Variants in ZDHHC11 observed in about 807,000 individuals in gnomAD.
ZDHHC11 encodes palmitoyltransferase ZDHHC11.
ZDHHC11 carries 44 observed loss-of-function variants against 51.3 expected under a neutral mutation model. That is an observed-to-expected ratio of 0.86 (90% CI 0.67 to 1.10). The LOEUF (loss-of-function observed/expected upper bound fraction) is 1.10, where lower values mean the gene tolerates loss of function less well. ZDHHC11 is among the 50% of genes least tolerant of loss of function. ZDHHC11 has a pLI of 0.00. For synonymous variants in ZDHHC11, 163 were observed against 222.0 expected (o/e 0.73, Z 2.36); for missense variants, 400 against 537.7 (o/e 0.74, Z 2.53).
Position 841,006 on chromosome 5 carries a change from C to A in ZDHHC11, c.629-356G>T, listed in dbSNP as rs1744783313. 7 of 1,251,826 alleles carry A rather than the reference C, an allele frequency of 5.6e-6. No individual in the cohort carries two copies. The South Asian group carries it at 1.1e-4, about 19-fold the overall frequency. The allele number at this position is 1,251,826 out of a possible 1,614,324, so 77.5% of individuals were successfully genotyped here. A position where few individuals can be genotyped will look rare whatever the true frequency, so the allele number is the denominator to read the frequency against. On this transcript the variant is annotated intron_variant, in intron 4 of 12. Transcript: ENST00000283441. Reference sequence around the variant, plus strand: ...CACCCCTTCCTAAGTGCCGGGGTCACAGCGCCCACCCCCCTTCCTCACTAA... The same window carrying A: ...CACCCCTTCCTAAGTGCCGGGGTCAAAGCGCCCACCCCCCTTCCTCACTAA...
intron 12 of ZDHHC11, among the ~76,000 whole-genome samples, chr5:798,417 GCA>G (rs1270098931): frequency 7.3e-5 from 11 of 151,546 alleles, no homozygotes; most frequent in South Asian, 2.1e-4. Flanking sequence ...GCGCACGCGT[GCA>G]CACACACACC....
chr5:808,212 C>T (rs1313776043), intron 11 of ZDHHC11, among the ~76,000 whole-genome samples: 1 of 151,028 alleles, frequency 6.6e-6, no homozygotes, highest in African/African-American at 2.4e-5. Context: ...GCGCAGCCTC[C>T]CCCTCGCTGT....
Position 835,920 on chromosome 5 carries a change from A to G in ZDHHC11, c.900+1445T>C, listed in dbSNP as rs1743776454. Among the ~76,000 whole-genome samples the G allele has an allele frequency of 2.0e-5, 3 of 151,900 alleles. No homozygotes were observed. In the South Asian group the frequency reaches 6.2e-4, roughly 32 times the overall value. Reference sequence around the variant, plus strand: ...TAGAGATGTGCGAGCGTGTATTTTAATATGTGCCCCACATCCTTGTTAAGT... The same window carrying G: ...TAGAGATGTGCGAGCGTGTATTTTAGTATGTGCCCCACATCCTTGTTAAGT... On this transcript the variant is annotated intron_variant, in intron 6 of 12. Transcript: ENST00000283441.
chr5:850,582 G>T lies in ZDHHC11; in HGVS notation c.21C>A (p.Ser7Arg). ...TGGCTTCTGGGGTGACGGAACACTG[G>T]CTCCCGGAGCGGGTGTCCATCTGCA... is the stretch of plus-strand genomic sequence containing the variant. The part of the protein sequence containing the change: MDTRSG[S>R]QCSVTPEAIL... The change falls in exon 1 of 13, where the codon AGC becomes AGA. Residue 7 changes from serine (S) to arginine (R), a missense_variant. By Grantham distance (110) the Ser-to-Arg change is moderately radical. Transcript: ENST00000283441. 1.2e-6 allele frequency: 2 copies of T among 1,613,402 alleles called. No individual in the cohort carries two copies. The highest frequency in any genetic ancestry group is 1.7e-6 in the Non-Finnish European group (2 of 1,180,010).
At chr5:852,270 G>C (rs1049325957), upstream of ZDHHC11, among the ~76,000 whole-genome samples, 3 of 152,094 alleles carry the variant, frequency 2.0e-5, no homozygotes, top group Non-Finnish European at 4.4e-5. Context: ...AGGAGAAGAG[G>C]GGAATCGCTC....
chr5:852,594 G>A (rs546367945), upstream of ZDHHC11, among the ~76,000 whole-genome samples: 3 of 112,552 alleles, frequency 2.7e-5, no homozygotes, highest in South Asian at 3.3e-4. Context: ...GGGGACAGAC[G>A]CCACGGAGGA....
In ZDHHC11 at chr5:827,488, C is replaced by T. The variant is rs574762407; in HGVS notation, c.936-2237G>A. 3.6e-4 allele frequency among the ~76,000 whole-genome samples: 55 copies of T among 151,090 alleles called. 1 individual carries two copies. Among genetic ancestry groups the T allele is most frequent in the African/African-American group, 1.2e-3 (50 of 41,024 alleles). ...AAGTATCTGCTGTCTTCAAGAGACA[C>T]ACCTAATGTATAAGGACTGAAATAA... On this transcript the variant is annotated intron_variant, in intron 7 of 12. Coordinates refer to ENST00000283441, the MANE Select transcript of ZDHHC11 (RefSeq NM_024786.3).
intron 7 of ZDHHC11, among the ~76,000 whole-genome samples, chr5:833,315 C>T (rs1255043171): frequency 6.6e-6 from 1 of 151,096 alleles, no homozygotes; most frequent in Non-Finnish European, 1.5e-5. Context: ...GAAGCCAGCC[C>T]TGGCCCTGTT....
intron 3 of ZDHHC11, among the ~76,000 whole-genome samples, chr5:846,837 C>T (rs1405742414): frequency 3.4e-5 from 5 of 145,330 alleles, no homozygotes; most frequent in Admixed American, 1.3e-4. Flanking sequence ...GAGCCTCCAC[C>T]GTGCTCAGGG....
chr5:841,688 G>A (rs1744997787), intron 4 of ZDHHC11: 1 of 990,942 alleles, frequency 1.0e-6, no homozygotes, highest in Non-Finnish European at 1.2e-6. Context: ...CTCGCCTGGG[G>A]TCATTTCTAA....
chr5:847,220 C>T (rs1222415800), intron 3 of ZDHHC11, among the ~76,000 whole-genome samples: 1 of 151,744 alleles, frequency 6.6e-6, no homozygotes, highest in Non-Finnish European at 1.5e-5. Flanking sequence ...GGCAGCCCAG[C>T]CCAGGACAGC....
chr5:851,994 T>C (rs1747294773), upstream of ZDHHC11, among the ~76,000 whole-genome samples: 1 of 150,606 alleles, frequency 6.6e-6, no homozygotes, highest in Non-Finnish European at 1.5e-5. Flanking sequence ...AGGTCGAGGC[T>C]GCAGTGAGCC....
At chr5:849,948 A>G (rs1213919031) in intron 1 of ZDHHC11, among the ~76,000 whole-genome samples, 1 of 151,146 alleles carries the variant, frequency 6.6e-6, no homozygotes, top group African/African-American at 2.4e-5. Flanking sequence ...AGGGCAGCCC[A>G]GAGGCCCTCG....
Position 850,542 on chromosome 5 carries a change from T to C in ZDHHC11, c.61A>G (p.Lys21Glu), listed in dbSNP as rs765981583. The C allele has an allele frequency of 6.2e-6, 10 of 1,613,682 alleles. No individual in the cohort carries two copies. The highest frequency in any genetic ancestry group is 4.4e-5 in the South Asian group (4 of 91,072). Residue 21 changes from lysine (K) to glutamate (E), a missense_variant, in exon 1 of 13, where the codon AAG (lysine) becomes GAG (glutamate). Physicochemically the swap from Lys to Glu is moderately conservative, Grantham distance 56 (BLOSUM62 1). Transcript: ENST00000283441. ...VTPEAILNNE[K>E]LVLPPRISRV... ...GAGATGCGGGGCGGCAAGACCAGCTTTTCATTATTGAGTATGGCTTCTGGG... is the reference window on the plus strand; with the variant it reads ...GAGATGCGGGGCGGCAAGACCAGCTCTTCATTATTGAGTATGGCTTCTGGG...
chr5:828,280 G>T (rs562203597), intron 7 of ZDHHC11, among the ~76,000 whole-genome samples: 1 of 151,330 alleles, frequency 6.6e-6, no homozygotes, highest in Non-Finnish European at 1.5e-5. Context: ...TGGTGGCCGG[G>T]CAGAGGGGCT....
chr5:797,472 C>T lies in ZDHHC11; in HGVS notation c.*8-892G>A, dbSNP rs563430364. The stretch of plus-strand genomic sequence containing the variant: ...ACTGTATTCTCATTCATTTTTTTCA[C>T]ATTTTGCGTTTCTGTCACTTTGTAT... On this transcript the variant is annotated intron_variant, in intron 12 of 12. Coordinates refer to ENST00000283441, the MANE Select transcript of ZDHHC11 (RefSeq NM_024786.3). Among the ~76,000 whole-genome samples the T allele has an allele frequency of 4.1e-3, 623 of 151,400 alleles. 15 individuals carry two copies. Among genetic ancestry groups the T allele is most frequent in the African/African-American group, 0.015 (609 of 41,290 alleles).
rs112896368 is a variant in ZDHHC11 at position 836,162 on chromosome 5, C to T, written c.900+1203G>A. On this transcript the variant is annotated intron_variant, in intron 6 of 12. Transcript: ENST00000283441. Reference sequence around the variant, plus strand: ...ACAAGCCTTTCACCAGTAAATGTCACGTCAGGTACACAGGGTGCTTTCCTA... The same window carrying T: ...ACAAGCCTTTCACCAGTAAATGTCATGTCAGGTACACAGGGTGCTTTCCTA... Among the ~76,000 whole-genome samples the T allele has an allele frequency of 1.4e-3, 218 of 150,346 alleles. 13 individuals are homozygous for T. Among genetic ancestry groups the T allele is most frequent in the Non-Finnish European group, 2.5e-3 (169 of 67,288 alleles).
Position 819,466 on chromosome 5 carries a change from G to C in ZDHHC11, c.1146+59C>G, listed in dbSNP as rs748260845. On this transcript the variant is annotated intron_variant, in intron 10 of 12. Coordinates refer to ENST00000283441, the MANE Select transcript of ZDHHC11 (RefSeq NM_024786.3). ...CTTAACCTCAGCTTGGGGGACCTCA[G>C]ACCACACATTCTGCACATGGCCCTG... 160 of 1,564,718 alleles carry C rather than the reference G, an allele frequency of 1.0e-4. 9 individuals carry two copies. The highest frequency in any genetic ancestry group is 1.4e-4 in the Non-Finnish European group (156 of 1,136,744).
At chr5:828,323 G>A (rs1398747007) in intron 7 of ZDHHC11, among the ~76,000 whole-genome samples, 1 of 151,112 alleles carries the variant, frequency 6.6e-6, no homozygotes, top group Admixed American at 6.6e-5. Context: ...CCGGGCGGAG[G>A]CACCCCCCAC....
Sources: allele counts gnomAD v4.1 joint callset (sites outside exome capture counted in the v4.1 genomes callset), GRCh38; gene constraint gnomAD v4.1.1; transcripts MANE v1.5; gene names NCBI Gene and HGNC (gene_info 2026-07-23, HGNC 2026-07-21).